Variants in WFDC1 observed in about 807,000 individuals in gnomAD.
The protein encoded by WFDC1 is WAP four-disulfide core domain protein 1.
A neutral mutation model predicts 32.9 loss-of-function variants in WFDC1; 39 were observed. That is an observed-to-expected ratio of 1.19 (90% confidence interval 0.92 to 1.55). The LOEUF is 1.55. Ranked by LOEUF, WFDC1 falls within the 40% of genes most tolerant of loss-of-function variation. The probability of loss-of-function intolerance (pLI) is 0.00; values close to 1 mark genes in which losing one functional copy is unlikely to be tolerated. For missense variants in WFDC1, 386 were observed against 309.5 expected, an observed-to-expected ratio of 1.25 and a Z score of -1.85; for synonymous variants, 184 against 137.4, an observed-to-expected ratio of 1.34 and a Z score of -2.37.
chr16:84,320,492 G>C (rs749118216), intron 4 of WFDC1, among the ~76,000 whole-genome samples: 1 of 152,236 alleles, frequency 6.6e-6, no homozygotes, highest in Non-Finnish European at 1.5e-5. Flanking sequence ...AAATAGATGA[G>C]TGAATTGTGT....
chr16:84,306,206 C>T (rs936713001), intron 1 of WFDC1, among the ~76,000 whole-genome samples: 2 of 152,072 alleles, frequency 1.3e-5, no homozygotes, highest in Non-Finnish European at 2.9e-5. Context: ...AGTGATTTTC[C>T]TGTATGATCG....
intron 1 of WFDC1, among the ~76,000 whole-genome samples, chr16:84,309,122 G>A (rs1283201431): frequency 6.6e-6 from 1 of 152,224 alleles, no homozygotes; most frequent in Non-Finnish European, 1.5e-5. Context: ...TGCCGGATGA[G>A]ACAAGCTCAG....
chr16:84,306,722 G>T (rs1156230917), intron 1 of WFDC1, among the ~76,000 whole-genome samples: 1 of 147,148 alleles, frequency 6.8e-6, no homozygotes. Flanking sequence ...CACTTAGAAG[G>T]GTGCCCAGCA....
intron 1 of WFDC1, among the ~76,000 whole-genome samples, chr16:84,296,627 A>G (rs1431685905): frequency 6.6e-6 from 1 of 152,194 alleles, no homozygotes; most frequent in Non-Finnish European, 1.5e-5. Flanking sequence ...CATATTCTCC[A>G]TGTTCGGCAC....
At position 84,329,644 on chromosome 16, in the gene WFDC1, T is replaced by A. The variant is rs1908807935; in HGVS notation, c.*338T>A. 1 of 152,176 alleles carries A rather than the reference T, an allele frequency of 6.6e-6. No individual in the cohort carries two copies. Among genetic ancestry groups the A allele is most frequent in the Non-Finnish European group, 1.5e-5 (1 of 68,030 alleles). The allele number at this position is 152,176 out of a possible 1,614,324, so 9.4% of individuals were successfully genotyped here. ...TAAGACAAGGCTCAGCATCTTGATA[T>A]TTTTGACAGATTCCTCCCAAGTCTG... is the stretch of plus-strand genomic sequence containing the variant. On this transcript the variant is annotated 3_prime_UTR_variant, in exon 7 of 7. Coordinates refer to ENST00000219454, the MANE Select transcript of WFDC1 (RefSeq NM_021197.4).
chr16:84,318,679 A>G (rs118137704), intron 3 of WFDC1: 7,387 of 265,822 alleles, frequency 0.028, 192 homozygotes, highest in Admixed American at 0.07. Context: ...CTCTCTAATG[A>G]TGAAGCCTCC....
At chr16:84,312,856 A>G in intron 1 of WFDC1, 105 bp from the exon 2 acceptor site, 2 of 635,738 alleles carry the variant, frequency 3.1e-6, no homozygotes, top group Non-Finnish European at 4.1e-6. Flanking sequence ...GAGGAAACGC[A>G]GGCTCAGAGA....
At chr16:84,302,789 G>A (rs1362489589) in intron 1 of WFDC1, among the ~76,000 whole-genome samples, 1 of 152,140 alleles carries the variant, frequency 6.6e-6, no homozygotes, top group Non-Finnish European at 1.5e-5. Context: ...TGAAGTCAGG[G>A]CCAACGTCTT....
intron 1 of WFDC1, among the ~76,000 whole-genome samples, chr16:84,298,114 T>C (rs1203513603): frequency 3.9e-5 from 6 of 152,118 alleles, no homozygotes; most frequent in African/African-American, 1.4e-4. Flanking sequence ...AGTTAAATCA[T>C]TTGTATTAAA....
chr16:84,327,595 T>C (rs1908677921), intron 6 of WFDC1: 1 of 152,234 alleles, frequency 6.6e-6, no homozygotes, highest in Non-Finnish European at 1.5e-5. Context: ...AAGCTATCCA[T>C]GATGTTAAAT....
intron 1 of WFDC1, among the ~76,000 whole-genome samples, chr16:84,309,104 G>T (rs1282215999): frequency 6.6e-6 from 1 of 152,206 alleles, no homozygotes; most frequent in Non-Finnish European, 1.5e-5. Context: ...CTGGTTGCCC[G>T]TCTGCTCTGC....
rs746894336 is a variant in WFDC1 at position 84,326,983 on chromosome 16, G to A, written c.*15+28G>A. 3.1e-6 allele frequency: 5 copies of A among 1,612,014 alleles called. No individual in the cohort carries two copies. In the East Asian group the frequency reaches 8.9e-5, roughly 29 times the overall value. Reference sequence around the variant, plus strand: ...GAGTGGGCAGAGAGCAAGAGTCATGGCCAGGGTAAATGTGGGCAGCCAGTG... The same window carrying A: ...GAGTGGGCAGAGAGCAAGAGTCATGACCAGGGTAAATGTGGGCAGCCAGTG... On this transcript the variant is annotated intron_variant, in intron 6 of 6. Coordinates refer to ENST00000219454, the MANE Select transcript of WFDC1 (RefSeq NM_021197.4).
At chr16:84,304,588 C>T (rs1477501543) in intron 1 of WFDC1, among the ~76,000 whole-genome samples, 1 of 152,162 alleles carries the variant, frequency 6.6e-6, no homozygotes, top group Non-Finnish European at 1.5e-5. Context: ...TAAGTTGTAC[C>T]ATGAATGTGT....
At chr16:84,301,548 G>A (rs961054111) in intron 1 of WFDC1, among the ~76,000 whole-genome samples, 6 of 152,100 alleles carry the variant, frequency 3.9e-5, no homozygotes, top group Non-Finnish European at 5.9e-5. Context: ...GGGGGTCAGC[G>A]GGTGCTCAGT....
Position 84,313,117 on chromosome 16 carries a change from G to T in WFDC1, c.301G>T (p.Ala101Ser). 2 of 1,443,990 alleles carry T rather than the reference G, an allele frequency of 1.4e-6. No homozygotes were observed. The highest frequency in any genetic ancestry group is 1.4e-5 in the South Asian group (1 of 70,744). 89.4% of individuals were successfully genotyped at this position (1,443,990 alleles called of 1,614,324 possible). The part of the protein sequence containing the change: ...RHRRCCYNGC[A>S]YACLEAVPPP... ...CCGGCGCTGCTGCTACAACGGATGC[G>T]CCTACGCCTGCCTAGAAGCTGTGCC... The change falls in exon 2 of 7, where the codon GCC becomes TCC. Residue 101 changes from alanine to serine, a missense_variant. Physicochemically the swap from Ala to Ser is moderately conservative, Grantham distance 99 (BLOSUM62 1). Transcript: ENST00000219454.
intron 1 of WFDC1, among the ~76,000 whole-genome samples, chr16:84,306,630 C>T (rs772874106): frequency 2.0e-5 from 3 of 152,198 alleles, no homozygotes; most frequent in Admixed American, 6.5e-5. Context: ...AAGGGCTGCC[C>T]CCACACCTGT....
At position 84,302,624 on chromosome 16, in the gene WFDC1, C is replaced by G. The variant is rs139975312; in HGVS notation, c.144+7509C>G. On this transcript the variant is annotated intron_variant, in intron 1 of 6. Transcript: ENST00000219454. ...TAAATGTTTACATAAGAGCCCAGCT[C>G]TTCCTTCTTAGCATTTAGCTCTGTT... Among the ~76,000 whole-genome samples the G allele has an allele frequency of 1.7e-3, 264 of 152,352 alleles. 2 individuals are homozygous for G. The highest frequency in any genetic ancestry group is 5.7e-3 in the African/African-American group (239 of 41,584).
At chr16:84,305,664 G>C (rs1463982775) in intron 1 of WFDC1, among the ~76,000 whole-genome samples, 3 of 151,970 alleles carry the variant, frequency 2.0e-5, no homozygotes, top group Non-Finnish European at 4.4e-5. Context: ...AAGATATGAA[G>C]AATGAAGTTA....
chr16:84,323,772 G>A (rs1379487011), intron 4 of WFDC1, among the ~76,000 whole-genome samples: 1 of 152,214 alleles, frequency 6.6e-6, no homozygotes, highest in East Asian at 1.9e-4. Context: ...AACATATTTT[G>A]TAATGACATT....
Sources: allele counts gnomAD v4.1 joint callset (sites outside exome capture counted in the v4.1 genomes callset), GRCh38; gene constraint gnomAD v4.1.1; transcripts MANE v1.5; gene names NCBI Gene and HGNC (gene_info 2026-07-23, HGNC 2026-07-21).